The following TTC3 variants were observed in gnomAD, a reference collection of about 807,000 sequenced individuals.
TTC3 encodes E3 ubiquitin-protein ligase TTC3.
A neutral mutation model predicts 249.6 loss-of-function variants in TTC3; 180 were observed. That is an observed-to-expected ratio of 0.72 (90% CI 0.64 to 0.82). The LOEUF is 0.82. TTC3 is among the 40% of genes least tolerant of loss of function. The pLI is 0.00. For missense variants in TTC3, 2,061 were observed against 2,398.4 expected (o/e 0.86, Z 2.94); for synonymous variants, 717 against 805.0 (o/e 0.89, Z 1.85).
chr21:37,109,386 C>G (rs919371230), intron 11 of TTC3, among the ~76,000 whole-genome samples: 1 of 152,230 alleles, frequency 6.6e-6, no homozygotes, highest in Non-Finnish European at 1.5e-5. Context: ...TTCCAATGGG[C>G]TTATCAAACG....
chr21:37,143,522 G>A (rs1248889599), intron 20 of TTC3, among the ~76,000 whole-genome samples: 2 of 151,726 alleles, frequency 1.3e-5, no homozygotes, highest in Non-Finnish European at 3.0e-5. Flanking sequence ...TCAGAGAAAT[G>A]CAAATCAAAA....
chr21:37,083,297 CA>C, intron 1 of TTC3: 1 of 985,376 alleles, frequency 1.0e-6, no homozygotes, highest in Non-Finnish European at 1.2e-6. Context: ...AGCAAGATCA[CA>C]AAAGGTCTTC....
chr21:37,099,864 G>A (rs987247793), intron 10 of TTC3, among the ~76,000 whole-genome samples: 1 of 152,104 alleles, frequency 6.6e-6, no homozygotes, highest in Non-Finnish European at 1.5e-5. Context: ...TAAGAGTAAA[G>A]AAATGAAAAC....
intron 23 of TTC3, among the ~76,000 whole-genome samples, chr21:37,148,919 T>G (rs981921829): frequency 6.7e-6 from 1 of 149,650 alleles, no homozygotes; most frequent in African/African-American, 2.4e-5. Flanking sequence ...CTCAGACTCC[T>G]TGACCCAAGT....
chr21:37,161,952 G>C (rs774565890), intron 30 of TTC3, 38 bp from the exon 31 acceptor site: 3 of 1,398,594 alleles, frequency 2.1e-6, no homozygotes. Context: ...GAATTTTAAG[G>C]TAGAAAATCA....
rs138695942 is a variant in TTC3, at chr21:37,195,951, C to T, written c.5494C>T (p.Arg1832Cys). Residue 1832 changes from arginine to cysteine, a missense_variant, in exon 42 of 46, where the codon CGT (arginine) becomes TGT (cysteine). Physicochemically the swap from Arg to Cys is radical, Grantham distance 180 (BLOSUM62 -3). Around this residue, in one of 3 missense-constraint regions of TTC3, gnomAD observed 1,040 missense variants for 1,186.1 expected, o/e 0.88. Transcript: ENST00000355666. Reference sequence around the variant, plus strand: ...TCGGAAGCAGCCTGTTCCTCCAGGACGTGCTGCGCGTTCAAGCCAGTCTCC... The same window carrying T: ...TCGGAAGCAGCCTGTTCCTCCAGGATGTGCTGCGCGTTCAAGCCAGTCTCC... 3.9e-4 allele frequency: 626 copies of T among 1,614,196 alleles called. 3 individuals are homozygous for T. The African/African-American group carries it at 5.7e-3, about 15-fold the overall frequency.
intron 18 of TTC3, among the ~76,000 whole-genome samples, chr21:37,137,527 T>C (rs2078063636): frequency 6.6e-6 from 1 of 152,176 alleles, no homozygotes; most frequent in Non-Finnish European, 1.5e-5. Flanking sequence ...ACTGAATTGC[T>C]GCAACCTCAG....
At chr21:37,148,619 C>T in exon 23 of TTC3, 1 of 1,602,476 alleles carries the variant, frequency 6.2e-7, no homozygotes, top group East Asian at 2.3e-5. Context: ...AAGTTAAAAA[C>T]TACAACCTTT....
At chr21:37,123,018 T>C (rs1292276046) in exon 13 of TTC3, 17 of 1,613,990 alleles carry the variant, frequency 1.1e-5, no homozygotes, top group Non-Finnish European at 1.4e-5. Context: ...TAAAGCCTTT[T>C]ATGAAAACAG....
intron 41 of TTC3, chr21:37,194,731 G>A (rs547395296): frequency 4.0e-4 from 61 of 152,280 alleles, no homozygotes; most frequent in Non-Finnish European, 5.4e-4. Flanking sequence ...TACTCTTTGC[G>A]ACCTCAGGCA....
intron 1 of TTC3, among the ~76,000 whole-genome samples, chr21:37,075,600 C>T (rs2070739308): frequency 6.6e-6 from 1 of 152,222 alleles, no homozygotes; most frequent in African/African-American, 2.4e-5. Context: ...TTTGCCATCT[C>T]TTTACTGACC....
At chr21:37,188,057 T>A (rs8127443) in intron 38 of TTC3, 4,122 of 113,606 alleles carry the variant, frequency 0.036, 194 homozygotes, top group African/African-American at 0.13. Flanking sequence ...ACAGAGAGTC[T>A]AAAATCTTAA....
intron 20 of TTC3, among the ~76,000 whole-genome samples, chr21:37,141,276 T>G (rs2078420922): frequency 6.6e-6 from 1 of 152,228 alleles, no homozygotes; most frequent in Admixed American, 6.5e-5. Context: ...TTTCTGCCAC[T>G]TGTACCCAAT....
intron 27 of TTC3, among the ~76,000 whole-genome samples, chr21:37,153,876 G>GT (rs1235171055): frequency 6.6e-6 from 1 of 152,198 alleles, no homozygotes; most frequent in Non-Finnish European, 1.5e-5. Flanking sequence ...AGGCAAATCT[G>GT]TATCTAGAGA....
At chr21:37,184,634 T>TTTTA (rs2083070949) in intron 36 of TTC3, among the ~76,000 whole-genome samples, 4 of 148,666 alleles carry the variant, frequency 2.7e-5, no homozygotes. Flanking sequence ...TTTCTATTTT[T>TTTTA]TTTTTTTTTT....
chr21:37,195,873 G>C, exon 42 of TTC3: 2 of 1,614,258 alleles, frequency 1.2e-6, no homozygotes, highest in East Asian at 2.2e-5. Context: ...TCAGCTGACA[G>C]GGCCAAAACG....
chr21:37,082,815 T>A, intron 1 of TTC3: 1 of 969,820 alleles, frequency 1.0e-6, no homozygotes, highest in Non-Finnish European at 1.2e-6. Context: ...CTCTTTATTT[T>A]AATATTTAAT....
chr21:37,124,086 C>A lies in TTC3; in HGVS notation c.1110-533C>A, dbSNP rs563409505. Among the ~76,000 whole-genome samples, 4 of 133,098 alleles carry A rather than the reference C, an allele frequency of 3.0e-5. No homozygotes were observed. In the South Asian group the frequency reaches 9.5e-4, roughly 32 times the overall value. The allele number at this position is 133,098 out of a possible 152,430, so 87.3% of individuals were successfully genotyped here. ...CCCAGCTGATATTTAAATGTTAGAA[C>A]GCAGAATACTTCTTTTTGAACTGTT... On this transcript the variant is annotated intron_variant, in intron 13 of 45. Coordinates refer to ENST00000355666, the Ensembl canonical transcript of TTC3.
At chr21:37,140,465 TA>T in intron 19 of TTC3, 95 bp from the exon 20 acceptor site, 1 of 823,554 alleles carries the variant, frequency 1.2e-6, no homozygotes. Flanking sequence ...ATGCAGTTGT[TA>T]TTTTAATATT....
Sources: allele counts gnomAD v4.1 joint callset (sites outside exome capture counted in the v4.1 genomes callset), GRCh38; gene constraint gnomAD v4.1.1; regional missense constraint gnomAD v4.1.1; transcripts MANE v1.5; gene names NCBI Gene and HGNC (gene_info 2026-07-23, HGNC 2026-07-21).